The following WFDC9 variants were observed in gnomAD, a reference collection of about 807,000 sequenced individuals.
WFDC9 encodes the protein WAP four-disulfide core domain 9, also known as protein WFDC9.
WFDC9 carries 9 observed loss-of-function variants against 9.5 expected under a neutral mutation model. The ratio of observed to expected loss-of-function variants is 0.95; its 90% CI spans 0.57 to 1.65. WFDC9 has a LOEUF of 1.65. Among genes scored for constraint, WFDC9 ranks in the 40% most tolerant of loss-of-function variants. The pLI, the probability that WFDC9 is intolerant of heterozygous loss-of-function variation, is 0.00. For synonymous variants in WFDC9, 33 were observed against 32.3 expected, an observed-to-expected ratio of 1.02 and a Z score of -0.07; for missense variants, 87 against 106.7, an observed-to-expected ratio of 0.82 and a Z score of 0.81.
intron 1 of WFDC9, among the ~76,000 whole-genome samples, chr20:45,627,247 ATT>A (rs1470456926): frequency 6.6e-6 from 1 of 151,934 alleles, no homozygotes; most frequent in African/African-American, 2.4e-5. Flanking sequence ...TTTTGCACCT[ATT>A]TTCATCAGGA....
intron 1 of WFDC9, among the ~76,000 whole-genome samples, chr20:45,629,071 C>A (rs1024825694): frequency 6.6e-5 from 10 of 152,164 alleles, no homozygotes; most frequent in Non-Finnish European, 1.5e-4. Context: ...CCTTCTGTCC[C>A]ATGCCCTACA....
At chr20:45,615,071 T>C (rs1401667284) in intron 1 of WFDC9, among the ~76,000 whole-genome samples, 3 of 152,226 alleles carry the variant, frequency 2.0e-5, no homozygotes, top group African/African-American at 7.2e-5. Context: ...TTTAACATTC[T>C]ATCTTTCTCA....
In WFDC9 at chr20:45,610,252, G is replaced by T; in HGVS notation, c.-58-13C>A. The T allele has an allele frequency of 7.4e-7, 1 of 1,344,892 alleles. No homozygotes were observed. The highest frequency in any genetic ancestry group is 1.1e-6 in the Non-Finnish European group (1 of 948,510). 83.3% of individuals were successfully genotyped at this position (1,344,892 alleles called of 1,614,324 possible). A position where few individuals can be genotyped will look rare whatever the true frequency, so the allele number is the denominator to read the frequency against. On this transcript the variant is annotated splice_polypyrimidine_tract_variant and intron_variant, in intron 2 of 4. Coordinates refer to ENST00000326000, the MANE Select transcript of WFDC9 (RefSeq NM_147198.4). ...TCTTTTCCCAATACTGCTAGACGTA[G>T]AAAATGGATTGAGGAGAACAGGGTA...
At chr20:45,630,762 G>A (rs1982343448) in intron 1 of WFDC9, 11 of 1,228,164 alleles carry the variant, frequency 9.0e-6, no homozygotes, top group Non-Finnish European at 1.2e-5. Context: ...AGGAATCCAG[G>A]AGTATCATGA....
At chr20:45,625,519 T>TA (rs1395823530) in intron 1 of WFDC9, among the ~76,000 whole-genome samples, 3 of 152,212 alleles carry the variant, frequency 2.0e-5, no homozygotes, top group Admixed American at 6.5e-5. Flanking sequence ...GATCTTATAT[T>TA]AAAAATCTTT....
intron 1 of WFDC9, among the ~76,000 whole-genome samples, chr20:45,620,633 T>A (rs6073820): frequency 0.14 from 20,716 of 152,230 alleles, 1,847 homozygotes; most frequent in East Asian, 0.32. Context: ...GTATAGATAA[T>A]TTATTTTCAT....
chr20:45,613,462 T>C (rs1202722169), intron 2 of WFDC9, among the ~76,000 whole-genome samples: 1 of 152,188 alleles, frequency 6.6e-6, no homozygotes, highest in African/African-American at 2.4e-5. Context: ...AGGTGAAAAA[T>C]ACAAGTTTTA....
chr20:45,610,375 C>T, intron 2 of WFDC9, 136 bp from the exon 3 acceptor site: 1 of 469,560 alleles, frequency 2.1e-6, no homozygotes, highest in East Asian at 3.3e-5. Context: ...CAGTGACTTC[C>T]CCAGGTTTCT....
At position 45,608,164 on chromosome 20, in the gene WFDC9, A is replaced by G. The variant is rs1183397093; in HGVS notation, c.240-24T>C. The G allele has an allele frequency of 1.7e-5, 27 of 1,606,186 alleles. No homozygotes were observed. The Admixed American group carries it at 4.7e-4, about 28-fold the overall frequency. On this transcript the variant is annotated intron_variant, in intron 4 of 4. Transcript: ENST00000326000. The stretch of plus-strand genomic sequence containing the variant: ...CTCTAGAAGAGAAAAGTTAGTCAAA[A>G]GTCAAGAATCCTGGGATAAATCCAT...
intron 1 of WFDC9, among the ~76,000 whole-genome samples, chr20:45,630,266 T>C (rs1270415742): frequency 6.6e-6 from 1 of 152,128 alleles, no homozygotes; most frequent in Admixed American, 6.5e-5. Flanking sequence ...GAAGTGGTTA[T>C]GACGGTAGGT....
chr20:45,624,914 G>A (rs1982183268), intron 1 of WFDC9, among the ~76,000 whole-genome samples: 1 of 152,038 alleles, frequency 6.6e-6, no homozygotes, highest in Non-Finnish European at 1.5e-5. Context: ...CAGATCATTT[G>A]CCCATTTTTT....
chr20:45,630,862 C>T, intron 1 of WFDC9: 1 of 1,590,774 alleles, frequency 6.3e-7, no homozygotes, highest in Middle Eastern at 1.7e-4. Context: ...TTCTATTCTC[C>T]TTGTCAGAAA....
chr20:45,625,804 A>ATTTTTT (rs1303424661), intron 1 of WFDC9, among the ~76,000 whole-genome samples: 1 of 42,954 alleles, frequency 2.3e-5, no homozygotes, highest in Non-Finnish European at 4.3e-5. Context: ...TAGGTTCTCT[A>ATTTTTT]TTCTTTTTTT....
At chr20:45,609,616 TTTC>T (rs1555801135) in intron 3 of WFDC9, among the ~76,000 whole-genome samples, 1 of 152,178 alleles carries the variant, frequency 6.6e-6, no homozygotes, top group Non-Finnish European at 1.5e-5. Flanking sequence ...TTGTCCACAT[TTTC>T]TTATCATATG....
At chr20:45,622,226 G>C (rs1982118029) in intron 1 of WFDC9, among the ~76,000 whole-genome samples, 1 of 151,564 alleles carries the variant, frequency 6.6e-6, no homozygotes, top group African/African-American at 2.4e-5. Flanking sequence ...CTATTTGAAA[G>C]TCTAATCTCA....
At position 45,610,123 on chromosome 20, in the gene WFDC9, G is replaced by A; in HGVS notation, c.59C>T (p.Pro20Leu). ...TTTGTTCCAGAAGCTTCCCAGCACA[G>A]GCAGAAGCATCACAACTCCAGAGAT... ...MFISGVVMLL[P>L]VLGSFWNKDP... is the part of the protein sequence containing the mutation. Residue 20 changes from proline to leucine, a missense_variant, in exon 3 of 5, where the codon CCT (proline) becomes CTT (leucine). By Grantham distance (98) the Pro-to-Leu change is moderately conservative. Coordinates refer to ENST00000326000, the MANE Select transcript of WFDC9 (RefSeq NM_147198.4). 6 of 1,614,032 alleles carry A rather than the reference G, an allele frequency of 3.7e-6. No homozygotes were observed. The highest frequency in any genetic ancestry group is 5.1e-6 in the Non-Finnish European group (6 of 1,179,968).
intron 1 of WFDC9, among the ~76,000 whole-genome samples, chr20:45,618,768 TAAG>T (rs1463976840): frequency 2.0e-5 from 3 of 152,108 alleles, no homozygotes; most frequent in Non-Finnish European, 4.4e-5. Context: ...GATATAATGA[TAAG>T]AATAATAATA....
chr20:45,619,540 A>G (rs1014252875), intron 1 of WFDC9, among the ~76,000 whole-genome samples: 1 of 151,794 alleles, frequency 6.6e-6, no homozygotes, highest in African/African-American at 2.4e-5. Flanking sequence ...TTAAAGCTAA[A>G]AAGAAAAGAC....
At chr20:45,628,107 A>C (rs1222600047) in intron 1 of WFDC9, among the ~76,000 whole-genome samples, 1 of 152,234 alleles carries the variant, frequency 6.6e-6, no homozygotes, top group African/African-American at 2.4e-5. Flanking sequence ...TATAAATGTC[A>C]GTACTTGAGC....
Sources: gnomAD v4.1 joint callset for allele counts (sites outside exome capture counted in the v4.1 genomes callset) on GRCh38, gnomAD v4.1.1 for gene constraint, MANE v1.5 for transcripts, NCBI Gene and HGNC (gene_info 2026-07-23, HGNC 2026-07-21) for gene names.